The following STK32B variants were observed in gnomAD, a reference collection of about 807,000 sequenced individuals.
STK32B encodes the protein serine/threonine kinase 32B.
STK32B carries 43 observed loss-of-function variants against 52.6 expected under a neutral mutation model. The ratio of observed to expected loss-of-function variants is 0.82; its 90% CI spans 0.64 to 1.05. STK32B has a LOEUF of 1.05. STK32B is among the 50% of genes least tolerant of loss of function. The pLI is 0.00. For missense variants in STK32B, 621 were observed against 534.6 expected, an observed-to-expected ratio of 1.16 and a Z score of -1.59; for synonymous variants, 238 against 204.3, an observed-to-expected ratio of 1.17 and a Z score of -1.41.
At chr4:5,189,425 T>G (rs943116953) in intron 3 of STK32B, among the ~76,000 whole-genome samples, 2 of 152,218 alleles carry the variant, frequency 1.3e-5, no homozygotes, top group Non-Finnish European at 2.9e-5. Context: ...CTTTTCAGAT[T>G]GGCTTCTTTC....
intron 2 of STK32B, among the ~76,000 whole-genome samples, chr4:5,153,777 G>C (rs1402217349): frequency 2.6e-5 from 4 of 151,942 alleles, no homozygotes; most frequent in African/African-American, 9.7e-5. Context: ...TTTTCTACAT[G>C]GAAAACATCA....
At chr4:5,465,449 AG>A (rs1471490580) in intron 9 of STK32B, among the ~76,000 whole-genome samples, 1 of 152,066 alleles carries the variant, frequency 6.6e-6, no homozygotes, top group Non-Finnish European at 1.5e-5. Context: ...CAAGCAGATT[AG>A]GGAGCATGGC....
At chr4:5,137,274 A>G (rs964022655) in intron 1 of STK32B, among the ~76,000 whole-genome samples, 3 of 152,200 alleles carry the variant, frequency 2.0e-5, no homozygotes, top group Non-Finnish European at 2.9e-5. Flanking sequence ...TGGACCCCAC[A>G]GACCTCTCCT....
At chr4:5,444,119 T>C (rs1577509269) in intron 6 of STK32B, among the ~76,000 whole-genome samples, 1 of 152,196 alleles carries the variant, frequency 6.6e-6, no homozygotes, top group African/African-American at 2.4e-5. Flanking sequence ...TGAGCTGTGG[T>C]GGGCTCCGCC....
chr4:5,197,121 G>A (rs1023906015), intron 3 of STK32B, among the ~76,000 whole-genome samples: 1 of 152,204 alleles, frequency 6.6e-6, no homozygotes, highest in African/African-American at 2.4e-5. Flanking sequence ...GGGAAGGCAG[G>A]TGACAAATGA....
chr4:5,347,233 A>G (rs563068494), intron 4 of STK32B, among the ~76,000 whole-genome samples: 1 of 152,344 alleles, frequency 6.6e-6, no homozygotes, highest in African/African-American at 2.4e-5. Context: ...CTAAGAACAG[A>G]GCCTGACTCT....
chr4:5,122,381 T>TCAC (rs1715093083), intron 1 of STK32B, among the ~76,000 whole-genome samples: 1 of 151,346 alleles, frequency 6.6e-6, no homozygotes, highest in Non-Finnish European at 1.5e-5. Flanking sequence ...CACTCATTCA[T>TCAC]TCACTCACTC....
chr4:5,431,700 T>C (rs1713599023), intron 6 of STK32B, among the ~76,000 whole-genome samples: 2 of 152,218 alleles, frequency 1.3e-5, no homozygotes, highest in African/African-American at 4.8e-5. Context: ...GAGCGGTTTC[T>C]TGCATACTTT....
At chr4:5,294,910 T>A (rs1269746400) in intron 3 of STK32B, among the ~76,000 whole-genome samples, 2 of 152,166 alleles carry the variant, frequency 1.3e-5, no homozygotes, top group African/African-American at 2.4e-5. Flanking sequence ...GCTGTGGGTT[T>A]GTCATAAATA....
In STK32B at chr4:5,060,803, T is replaced by C. The variant is rs1224078802; in HGVS notation, c.52+8888T>C. Among the ~76,000 whole-genome samples, 2 of 152,182 alleles carry C rather than the reference T, an allele frequency of 1.3e-5. 1 individual carries two copies. Among genetic ancestry groups the C allele is most frequent in the Admixed American group, 1.3e-4 (2 of 15,276 alleles). ...AGTTATCAAATTCTATGTCAGCAGG[T>C]TTTTTTCTTCAGCATTTTGAAGATA... On this transcript the variant is annotated intron_variant, in intron 1 of 11. Coordinates refer to ENST00000282908, the MANE Select transcript of STK32B (RefSeq NM_018401.3).
chr4:5,227,424 AAATTT>A (rs1381540007), intron 3 of STK32B, among the ~76,000 whole-genome samples: 1 of 152,236 alleles, frequency 6.6e-6, no homozygotes, highest in African/African-American at 2.4e-5. Context: ...AAGATTTTTA[AAATTT>A]AATTTATTAA....
intron 2 of STK32B, among the ~76,000 whole-genome samples, chr4:5,158,918 C>A (rs1276751266): frequency 1.3e-5 from 2 of 152,208 alleles, no homozygotes; most frequent in Non-Finnish European, 2.9e-5. Flanking sequence ...AGGACTGCAG[C>A]ATATGAATTT....
rs868647591 is a variant in STK32B at position 5,467,077 on chromosome 4, G to C, written c.1041+243G>C. Reference sequence around the variant, plus strand: ...GGAAGCTTGTGTAGCTCTAAGGCAGGGGGAGGGACCCAGCGGTCCCACTGC... The same window carrying C: ...GGAAGCTTGTGTAGCTCTAAGGCAGCGGGAGGGACCCAGCGGTCCCACTGC... On this transcript the variant is annotated intron_variant, in intron 10 of 11. Transcript: ENST00000282908. This position sits in a 1 kb window ranked among gnomAD's most constrained non-coding sequence, Gnocchi z 5.8. Among the ~76,000 whole-genome samples, 4 of 152,160 alleles carry C rather than the reference G, an allele frequency of 2.6e-5. No individual in the cohort carries two copies. The highest frequency in any genetic ancestry group is 7.2e-5 in the African/African-American group (3 of 41,440).
At chr4:5,162,080 C>T (rs1718492753) in intron 2 of STK32B, among the ~76,000 whole-genome samples, 2 of 152,070 alleles carry the variant, frequency 1.3e-5, no homozygotes, top group African/African-American at 4.8e-5. Context: ...AAGAGGGCAG[C>T]CCAGGCTCAC....
At chr4:5,444,334 G>A (rs4498087) in intron 6 of STK32B, among the ~76,000 whole-genome samples, 19,332 of 152,220 alleles carry the variant, frequency 0.13, 1,865 homozygotes, top group East Asian at 0.53. Flanking sequence ...TCGGAAAAGC[G>A]CAGTATTTGG....
At chr4:5,474,123 G>GA (rs1281153998) in intron 11 of STK32B, among the ~76,000 whole-genome samples, 12 of 151,688 alleles carry the variant, frequency 7.9e-5, no homozygotes, top group South Asian at 4.2e-4. Flanking sequence ...CAAAAAAAAA[G>GA]AAAAAAAATT....
intron 3 of STK32B, among the ~76,000 whole-genome samples, chr4:5,316,055 G>A (rs2108919758): frequency 7.3e-6 from 1 of 136,702 alleles, no homozygotes; most frequent in African/African-American, 3.0e-5. Context: ...AAAATGTAAT[G>A]TCTGTTTAGT....
intron 3 of STK32B, among the ~76,000 whole-genome samples, chr4:5,188,076 T>C (rs1014727727): frequency 6.6e-6 from 1 of 152,180 alleles, no homozygotes. Context: ...ACCCCGTGCA[T>C]GAAAGCCCTG....
chr4:5,252,189 C>G (rs1269547570), intron 3 of STK32B, among the ~76,000 whole-genome samples: 3 of 152,154 alleles, frequency 2.0e-5, no homozygotes, highest in Non-Finnish European at 2.9e-5. Context: ...AGAGTCACTA[C>G]TTTTTATCCC....
Sources: allele counts gnomAD v4.1 joint callset (sites outside exome capture counted in the v4.1 genomes callset), GRCh38; gene constraint gnomAD v4.1.1; non-coding constraint Gnocchi (gnomAD v3.1); transcripts MANE v1.5; gene names NCBI Gene and HGNC (gene_info 2026-07-23, HGNC 2026-07-21).